The following CCSER1 variants were observed in gnomAD, a reference collection of about 807,000 sequenced individuals.
The protein encoded by CCSER1 is coiled-coil serine rich protein 1.
A neutral mutation model predicts 82.0 loss-of-function variants in CCSER1; 41 were observed. The observed-to-expected ratio is 0.50, with a 90% CI of 0.39 to 0.65. The LOEUF (loss-of-function observed/expected upper bound fraction) is 0.65. Ranked by LOEUF, CCSER1 falls within the 30% of genes least tolerant of loss-of-function variation. The pLI is 0.00. For missense variants in CCSER1, 1,119 were observed against 1,064.2 expected, an observed-to-expected ratio of 1.05 and a Z score of -0.72; for synonymous variants, 414 against 383.9, an observed-to-expected ratio of 1.08 and a Z score of -0.92.
chr4:90,364,372 A>G (rs1050297668), intron 3 of CCSER1, among the ~76,000 whole-genome samples: 3 of 152,104 alleles, frequency 2.0e-5, no homozygotes, highest in African/African-American at 7.2e-5. Flanking sequence ...AAATGTGGAG[A>G]TTTTATGAAT....
chr4:90,166,775 C>T (rs1033997161), intron 1 of CCSER1, among the ~76,000 whole-genome samples: 1 of 151,810 alleles, frequency 6.6e-6, no homozygotes, highest in Non-Finnish European at 1.5e-5. Flanking sequence ...CAAATATCAG[C>T]TTTAAAAACT....
chr4:91,289,922 T>G (rs1743616633), intron 10 of CCSER1, among the ~76,000 whole-genome samples: 1 of 151,956 alleles, frequency 6.6e-6, no homozygotes, highest in African/African-American at 2.4e-5. Flanking sequence ...TCAGGCATAT[T>G]ATATTCAAAA....
intron 1 of CCSER1, among the ~76,000 whole-genome samples, chr4:90,193,131 T>A (rs1013188747): frequency 2.0e-5 from 3 of 152,082 alleles, no homozygotes; most frequent in Non-Finnish European, 4.4e-5. Flanking sequence ...AAATCTGATA[T>A]TCTAAAATTG....
intron 10 of CCSER1, among the ~76,000 whole-genome samples, chr4:91,560,350 CTTGA>C (rs1762597634): frequency 6.6e-6 from 1 of 151,352 alleles, no homozygotes; most frequent in Non-Finnish European, 1.5e-5. Flanking sequence ...CCTTTTGAAG[CTTGA>C]TTATTTGGCA....
chr4:90,205,737 T>C (rs1273248419), intron 1 of CCSER1, among the ~76,000 whole-genome samples: 1 of 152,194 alleles, frequency 6.6e-6, no homozygotes, highest in African/African-American at 2.4e-5. Flanking sequence ...GGAGTCCCTC[T>C]TTTTCTATTG....
chr4:91,207,838 C>T (rs1009344757), intron 10 of CCSER1, among the ~76,000 whole-genome samples: 1 of 151,888 alleles, frequency 6.6e-6, no homozygotes, highest in African/African-American at 2.4e-5. Context: ...CTAATTTCCA[C>T]TCCCACCAGC....
intron 1 of CCSER1, among the ~76,000 whole-genome samples, chr4:90,174,650 A>T (rs544938721): frequency 6.6e-6 from 1 of 152,074 alleles, no homozygotes; most frequent in East Asian, 1.9e-4. Context: ...GCACTCGAAG[A>T]ATGCTGACAT....
At position 91,158,049 on chromosome 4, in the gene CCSER1, T is replaced by G. The variant is rs909564898; in HGVS notation, c.2217+72055T>G. 7.2e-5 allele frequency among the ~76,000 whole-genome samples: 11 copies of G among 151,990 alleles called. 1 individual carries two copies. Among genetic ancestry groups the G allele is most frequent in the Non-Finnish European group, 1.2e-4 (8 of 67,926 alleles). On this transcript the variant is annotated intron_variant, in intron 10 of 10. Transcript: ENST00000509176. ...CAAAATGTTGATTCTGATACTTATA[T>G]CTAATGAGCCTACTGTCTTTGTGAT...
At chr4:90,937,379 C>G (rs959725409) in intron 9 of CCSER1, among the ~76,000 whole-genome samples, 3 of 151,986 alleles carry the variant, frequency 2.0e-5, no homozygotes, top group African/African-American at 7.2e-5. Flanking sequence ...TTGGTCTTGT[C>G]ATGTTACACA....
At chr4:90,224,246 C>T (rs892553017) in intron 1 of CCSER1, among the ~76,000 whole-genome samples, 1 of 152,170 alleles carries the variant, frequency 6.6e-6, no homozygotes. Flanking sequence ...TGACATATGA[C>T]AAGGGAATTT....
At chr4:91,077,960 G>C (rs1722191933) in intron 9 of CCSER1, among the ~76,000 whole-genome samples, 1 of 152,198 alleles carries the variant, frequency 6.6e-6, no homozygotes, top group Admixed American at 6.5e-5. Flanking sequence ...GAACTGGGTG[G>C]AGCCCACCAC....
intron 10 of CCSER1, among the ~76,000 whole-genome samples, chr4:91,208,855 T>C (rs1736563889): frequency 6.6e-6 from 1 of 151,972 alleles, no homozygotes; most frequent in South Asian, 2.1e-4. Flanking sequence ...GCATGGAATG[T>C]TTTTCCATTT....
At chr4:90,850,079 G>T (rs1763679916) in intron 8 of CCSER1, among the ~76,000 whole-genome samples, 1 of 152,152 alleles carries the variant, frequency 6.6e-6, no homozygotes, top group Non-Finnish European at 1.5e-5. Flanking sequence ...AGGGGCCAAG[G>T]TACTCCTCAG....
At chr4:90,415,962 G>A (rs1755721608) in intron 4 of CCSER1, among the ~76,000 whole-genome samples, 1 of 152,146 alleles carries the variant, frequency 6.6e-6, no homozygotes, top group African/African-American at 2.4e-5. Context: ...ATAATCATTG[G>A]CAATTTATAG....
chr4:91,210,965 T>C (rs1736768820), intron 10 of CCSER1, among the ~76,000 whole-genome samples: 1 of 152,008 alleles, frequency 6.6e-6, no homozygotes, highest in South Asian at 2.1e-4. Flanking sequence ...TATTCTAAAA[T>C]GGTTTAGGAA....
intron 5 of CCSER1, among the ~76,000 whole-genome samples, chr4:90,605,207 A>G (rs1784532438): frequency 6.6e-6 from 1 of 152,192 alleles, no homozygotes; most frequent in Non-Finnish European, 1.5e-5. Context: ...AACTCCGGAC[A>G]TAGCATCTTT....
At position 90,460,154 on chromosome 4, in the gene CCSER1, G is replaced by A. The variant is rs368677837; in HGVS notation, c.1604-8080G>A. On this transcript the variant is annotated intron_variant, in intron 4 of 10. Coordinates refer to ENST00000509176, the MANE Select transcript of CCSER1 (RefSeq NM_001145065.2). Reference sequence around the variant, plus strand: ...ATCCTGGCTAACACGGTGAAACCCCGTCTCTACTAAAAATACAAAAATTAG... The same window carrying A: ...ATCCTGGCTAACACGGTGAAACCCCATCTCTACTAAAAATACAAAAATTAG... Among the ~76,000 whole-genome samples, 1,074 of 146,404 alleles carry A rather than the reference G, an allele frequency of 7.3e-3. 12 individuals carry two copies. The highest frequency in any genetic ancestry group is 0.021 in the South Asian group (98 of 4,748).
At chr4:91,196,731 G>A (rs568415433) in intron 10 of CCSER1, among the ~76,000 whole-genome samples, 5 of 152,272 alleles carry the variant, frequency 3.3e-5, no homozygotes, top group Non-Finnish European at 5.9e-5. Flanking sequence ...TAGAGTCATC[G>A]AATTCAGGTT....
chr4:90,527,998 G>GTA (rs1487398765), intron 5 of CCSER1, among the ~76,000 whole-genome samples: 1 of 152,094 alleles, frequency 6.6e-6, no homozygotes, highest in East Asian at 1.9e-4. Flanking sequence ...GTGAGTATCA[G>GTA]TATTTGACAG....
Sources: gnomAD v4.1 joint callset for allele counts (sites outside exome capture counted in the v4.1 genomes callset) on GRCh38, gnomAD v4.1.1 for gene constraint, MANE v1.5 for transcripts, NCBI Gene and HGNC (gene_info 2026-07-23, HGNC 2026-07-21) for gene names.